Variants in ITIH5 observed in about 807,000 individuals in gnomAD.
ITIH5 encodes inter-alpha-trypsin inhibitor heavy chain H5.
A neutral mutation model predicts 77.5 loss-of-function variants in ITIH5; 65 were observed. The ratio of observed to expected loss-of-function variants is 0.84; its 90% CI spans 0.69 to 1.03. The LOEUF (loss-of-function observed/expected upper bound fraction) is 1.03. Among genes scored for constraint, ITIH5 ranks in the 50% least tolerant of loss-of-function variants. The pLI, the probability that ITIH5 is intolerant of heterozygous loss-of-function variation, is 0.00. For synonymous variants in ITIH5, 525 were observed against 494.3 expected (o/e 1.06, Z -0.82); for missense variants, 1,208 against 1,213.1 (o/e 1.00, Z 0.06).
chr10:7,592,948 T>C (rs1832823898), intron 7 of ITIH5, among the ~76,000 whole-genome samples: 1 of 152,064 alleles, frequency 6.6e-6, no homozygotes, highest in Admixed American at 6.5e-5. Context: ...TGCTGCACAC[T>C]GCTGGGCCCA....
intron 4 of ITIH5, among the ~76,000 whole-genome samples, chr10:7,638,207 C>G (rs562711870): frequency 5.9e-5 from 9 of 152,298 alleles, no homozygotes; most frequent in African/African-American, 2.2e-4. Flanking sequence ...AGTGCAGGCT[C>G]TGAATTCAGG....
intron 7 of ITIH5, among the ~76,000 whole-genome samples, chr10:7,604,763 G>C (rs1169314848): frequency 6.6e-6 from 1 of 152,058 alleles, no homozygotes; most frequent in Non-Finnish European, 1.5e-5. Context: ...CCTATCTCAA[G>C]TTATTTCTCT....
chr10:7,615,945 CGA>C (rs1427645113), intron 7 of ITIH5, 35 bp downstream of exon 7: 2 of 1,269,774 alleles, frequency 1.6e-6, no homozygotes, highest in African/African-American at 1.5e-5. Flanking sequence ...CAGGCAAAAG[CGA>C]GAGAGGAATA....
Position 7,577,005 on chromosome 10 carries a change from C to A in ITIH5, c.1426G>T (p.Asp476Tyr). The A allele has an allele frequency of 1.9e-6, 3 of 1,607,086 alleles. No homozygotes were observed. Among genetic ancestry groups the A allele is most frequent in the African/African-American group, 1.3e-5 (1 of 74,832 alleles). The change falls in exon 10 of 14, where the codon GAT (aspartate) becomes TAT (tyrosine). Residue 476 changes from aspartate to tyrosine, a missense_variant. Coordinates refer to ENST00000397146, the MANE Select transcript of ITIH5 (RefSeq NM_030569.7). The stretch of plus-strand genomic sequence containing the variant: ...GAGAGGAGCGGGGTCCTGATTTCAT[C>A]GTAGAACCTGCAGTGGAAGCACAGG... ...DAGSQLIGFY[D>Y]EIRTPLLSDI...
Position 7,639,208 on chromosome 10 carries a change from G to C in ITIH5, c.401+1546C>G, listed in dbSNP as rs148984413. ...TGAGGCAACTCATCAAACAAAGAAA[G>C]AGACAGGGTTTTTATAGAATTAGGG... is the stretch of plus-strand genomic sequence containing the variant. On this transcript the variant is annotated intron_variant, in intron 4 of 13. Coordinates refer to ENST00000397146, the MANE Select transcript of ITIH5 (RefSeq NM_030569.7). 2.1e-3 allele frequency among the ~76,000 whole-genome samples: 323 copies of C among 152,328 alleles called. 3 individuals are homozygous for C. Among genetic ancestry groups the C allele is most frequent in the Middle Eastern group, 0.014 (4 of 294 alleles).
At chr10:7,627,656 A>C (rs1167110827) in intron 5 of ITIH5, among the ~76,000 whole-genome samples, 1 of 152,158 alleles carries the variant, frequency 6.6e-6, no homozygotes, top group Non-Finnish European at 1.5e-5. Context: ...GTTAGTACCC[A>C]GTCCTTTTAT....
chr10:7,615,863 G>T (rs1833353377), intron 7 of ITIH5, 119 bp downstream of exon 7: 9 of 690,364 alleles, frequency 1.3e-5, no homozygotes, highest in Admixed American at 1.0e-4. Context: ...CTTTCCATAG[G>T]CAGGAATCGC....
intron 7 of ITIH5, among the ~76,000 whole-genome samples, chr10:7,591,351 T>G (rs1055029036): frequency 1.1e-4 from 17 of 152,276 alleles, no homozygotes; most frequent in African/African-American, 4.1e-4. Context: ...TCTCGTGACT[T>G]CCTGTGGTGG....
intron 10 of ITIH5, among the ~76,000 whole-genome samples, chr10:7,576,017 T>C (rs1328706218): frequency 2.0e-5 from 3 of 152,102 alleles, no homozygotes; most frequent in Admixed American, 6.6e-5. Flanking sequence ...TATAGTGTTA[T>C]TGCTTTTTGG....
rs536146040 is a variant in ITIH5 at position 7,566,500 on chromosome 10, G to T, written c.2150-93C>A. On this transcript the variant is annotated intron_variant, in intron 12 of 13. Coordinates refer to ENST00000397146, the MANE Select transcript of ITIH5 (RefSeq NM_030569.7). ...TCCCAGCACTTAGAAGGCCAGGGCAGGTGGATTGCCTGAGTCCAGGAGTTC... is the reference window on the plus strand; with the variant it reads ...TCCCAGCACTTAGAAGGCCAGGGCATGTGGATTGCCTGAGTCCAGGAGTTC... 286 of 1,302,116 alleles carry T rather than the reference G, an allele frequency of 2.2e-4. No homozygotes were observed. In the East Asian group the frequency reaches 6.5e-3, roughly 30 times the overall value. 80.7% of individuals were successfully genotyped at this position (1,302,116 alleles called of 1,614,324 possible). A position where few individuals can be genotyped will look rare whatever the true frequency, so the allele number is the denominator to read the frequency against.
In ITIH5 at chr10:7,579,795, G is replaced by A. The variant is rs745793204; in HGVS notation, c.1378C>T (p.Arg460Cys). 13 of 1,613,942 alleles carry A rather than the reference G, an allele frequency of 8.1e-6. No individual in the cohort carries two copies. The highest frequency in any genetic ancestry group is 2.2e-5 in the East Asian group (1 of 44,886). The change falls in exon 9 of 14, where the codon CGC (arginine) becomes TGC (cysteine). Residue 460 changes from arginine to cysteine, a missense_variant. Physicochemically the swap from Arg to Cys is radical, Grantham distance 180 (BLOSUM62 -3). Coordinates refer to ENST00000397146, the MANE Select transcript of ITIH5 (RefSeq NM_030569.7). ...CCTGCGTCCTCCTCCTCGTGCACGCGCCGTGTGAGGCCACAGTTCTCCAGC... is the reference window on the plus strand; with the variant it reads ...CCTGCGTCCTCCTCCTCGTGCACGCACCGTGTGAGGCCACAGTTCTCCAGC... ...LSLENCGLTR[R>C]VHEEEDAGSQ...
chr10:7,579,650 G>A, intron 9 of ITIH5, 105 bp downstream of exon 9: 2 of 1,139,154 alleles, frequency 1.8e-6, no homozygotes, highest in Non-Finnish European at 2.6e-6. Context: ...GTTGTCAGCA[G>A]ATGCAAGGCT....
At chr10:7,654,850 G>C (rs1834154722) in intron 2 of ITIH5, among the ~76,000 whole-genome samples, 2 of 151,588 alleles carry the variant, frequency 1.3e-5, no homozygotes, top group African/African-American at 4.9e-5. Flanking sequence ...AGGATTATGT[G>C]AACATGGAGA....
chr10:7,634,089 A>AG (rs1564272215), intron 5 of ITIH5, among the ~76,000 whole-genome samples: 1 of 64,370 alleles, frequency 1.6e-5, no homozygotes, highest in African/African-American at 5.9e-5. Flanking sequence ...ACTCCGTCTC[A>AG]AAAAAAAAAA....
chr10:7,635,195 C>T (rs1429208560), intron 5 of ITIH5, among the ~76,000 whole-genome samples: 1 of 152,148 alleles, frequency 6.6e-6, no homozygotes, highest in Non-Finnish European at 1.5e-5. Context: ...GACCTGCTTT[C>T]GAAGGCACCA....
At chr10:7,586,718 C>T (rs1308733141) in intron 7 of ITIH5, among the ~76,000 whole-genome samples, 1 of 152,026 alleles carries the variant, frequency 6.6e-6, no homozygotes, top group African/African-American at 2.4e-5. Context: ...ATAATAAATA[C>T]CATAGGAATT....
intron 2 of ITIH5, 31 bp from the exon 3 acceptor site, chr10:7,642,121 G>T: frequency 6.3e-7 from 1 of 1,576,662 alleles, no homozygotes; most frequent in Non-Finnish European, 8.7e-7. Flanking sequence ...AGTATCATCG[G>T]TGATGCATGA....
chr10:7,656,133 C>T (rs1700910318), intron 1 of ITIH5, among the ~76,000 whole-genome samples: 1 of 152,172 alleles, frequency 6.6e-6, no homozygotes. Context: ...CAAAACTGAA[C>T]TTATCTTGAA....
rs370581562 is a variant in ITIH5 at position 7,602,793 on chromosome 10, C to CT, written c.939+13188dup. ...CTCATGGTTCCAAAGTCTCAAGAATCTTTTTTTTTACTCTATCCAGCTAAT... is the reference window on the plus strand; with the variant it reads ...CTCATGGTTCCAAAGTCTCAAGAATCTTTTTTTTTTACTCTATCCAGCTAAT... On this transcript the variant is annotated intron_variant, in intron 7 of 13. Transcript: ENST00000397146. 8.5e-3 allele frequency among the ~76,000 whole-genome samples: 1,289 copies of CT among 151,684 alleles called. 22 individuals are homozygous for CT. The highest frequency in any genetic ancestry group is 0.03 in the African/African-American group (1,227 of 41,344).
Sources: gnomAD v4.1 joint callset for allele counts (sites outside exome capture counted in the v4.1 genomes callset) on GRCh38, gnomAD v4.1.1 for gene constraint, MANE v1.5 for transcripts, NCBI Gene and HGNC (gene_info 2026-07-23, HGNC 2026-07-21) for gene names.